ZRANB3: variants seen among roughly 807,000 people sequenced by gnomAD.
ZRANB3 encodes DNA annealing helicase and endonuclease ZRANB3.
ZRANB3 carries 125 observed loss-of-function variants against 133.8 expected under a neutral mutation model. The observed-to-expected ratio is 0.93, with a 90% CI of 0.81 to 1.08. The LOEUF (loss-of-function observed/expected upper bound fraction) is 1.08. ZRANB3 is among the 50% of genes least tolerant of loss of function. ZRANB3 has a pLI of 0.00. For missense variants in ZRANB3, 1,229 were observed against 1,275.5 expected, an observed-to-expected ratio of 0.96 and a Z score of 0.56; for synonymous variants, 387 against 432.7, an observed-to-expected ratio of 0.89 and a Z score of 1.31.
At chr2:135,254,534 AC>A (rs1245487107) in intron 12 of ZRANB3, among the ~76,000 whole-genome samples, 1 of 152,086 alleles carries the variant, frequency 6.6e-6, no homozygotes, top group East Asian at 1.9e-4. Flanking sequence ...AATCACTTGA[AC>A]CTGGGAGGCG....
chr2:135,200,035 A>C lies in ZRANB3; in HGVS notation c.*307T>G, dbSNP rs1693555953. ...AATTGAGAGTACATTTTTTAAACAC[A>C]ATCTATGCACAATACAGTGATTAGG... On this transcript the variant is annotated 3_prime_UTR_variant, in exon 21 of 21. Coordinates refer to ENST00000264159, the MANE Select transcript of ZRANB3 (RefSeq NM_032143.4). The C allele has an allele frequency of 2.7e-6, 1 of 371,900 alleles. No individual in the cohort carries two copies. The highest frequency in any genetic ancestry group is 5.0e-6 in the Non-Finnish European group (1 of 198,932). The allele number at this position is 371,900 out of a possible 1,614,324, so 23.0% of individuals were successfully genotyped here. A position where few individuals can be genotyped will look rare whatever the true frequency, so the allele number is the denominator to read the frequency against.
chr2:135,217,861 G>A (rs1039847537), intron 16 of ZRANB3, among the ~76,000 whole-genome samples: 1 of 152,084 alleles, frequency 6.6e-6, no homozygotes, highest in Non-Finnish European at 1.5e-5. Context: ...CCAGGCTGGA[G>A]TGCAGTGGCA....
chr2:135,372,159 C>T (rs1000165202), intron 3 of ZRANB3, among the ~76,000 whole-genome samples: 2 of 140,130 alleles, frequency 1.4e-5, no homozygotes, highest in Admixed American at 7.6e-5. Context: ...GAGCAAGACT[C>T]TGTCTCAAAA....
At chr2:135,506,025 A>G (rs1168990345) in intron 1 of ZRANB3, among the ~76,000 whole-genome samples, 2 of 152,186 alleles carry the variant, frequency 1.3e-5, no homozygotes, top group Admixed American at 6.5e-5. Context: ...AGAGAAGAGC[A>G]GTCCGAGGAA....
intron 1 of ZRANB3, among the ~76,000 whole-genome samples, chr2:135,505,017 T>C (rs759033665): frequency 6.6e-6 from 1 of 152,054 alleles, no homozygotes; most frequent in African/African-American, 2.4e-5. Flanking sequence ...TATTATTAAA[T>C]TGTTTAAATA....
chr2:135,309,293 T>C (rs115855940), intron 8 of ZRANB3, among the ~76,000 whole-genome samples: 1,570 of 152,262 alleles, frequency 0.01, 25 homozygotes, highest in African/African-American at 0.036. Flanking sequence ...AATAACATCA[T>C]ATTTAATGGT....
At chr2:135,430,184 A>G (rs569630567) in intron 2 of ZRANB3, among the ~76,000 whole-genome samples, 60 of 152,236 alleles carry the variant, frequency 3.9e-4, no homozygotes, top group African/African-American at 1.3e-3. Flanking sequence ...TCAAAAAAAA[A>G]CAAAAACAAA....
intron 12 of ZRANB3, among the ~76,000 whole-genome samples, chr2:135,231,704 C>G (rs1695024189): frequency 6.6e-6 from 1 of 152,130 alleles, no homozygotes; most frequent in Non-Finnish European, 1.5e-5. Context: ...GGGAAGACTG[C>G]TGGAGCCTCG....
At chr2:135,248,705 A>G (rs528706845) in intron 12 of ZRANB3, among the ~76,000 whole-genome samples, 1 of 152,294 alleles carries the variant, frequency 6.6e-6, no homozygotes, top group South Asian at 2.1e-4. Flanking sequence ...CAGTAGTTTG[A>G]GACTAGCCTG....
chr2:135,527,209 T>C (rs78008541), intron 1 of ZRANB3, among the ~76,000 whole-genome samples: 16,878 of 152,206 alleles, frequency 0.11, 1,207 homozygotes, highest in South Asian at 0.32. Flanking sequence ...TCGACAATCA[T>C]CTGGCACCCA....
chr2:135,230,898 T>C lies in ZRANB3; in HGVS notation c.1569A>G (p.Arg523=), dbSNP rs1202582946. The change falls in exon 13 of 21, where the codon CGA becomes CGG. Residue 523 remains arginine (R), a synonymous_variant. Coordinates refer to ENST00000264159, the MANE Select transcript of ZRANB3 (RefSeq NM_032143.4). ...HFEKEKQHDI[R]SFFVPQPKKR... ...TTTTAGGTTGTGGTACAAAAAATGATCGAATATCATGCTGTTTTTCTTTTT... is the reference window on the plus strand; with the variant it reads ...TTTTAGGTTGTGGTACAAAAAATGACCGAATATCATGCTGTTTTTCTTTTT... 1 of 1,574,832 alleles carries C rather than the reference T, an allele frequency of 6.3e-7. No individual in the cohort carries two copies. The highest frequency in any genetic ancestry group is 8.6e-7 in the Non-Finnish European group (1 of 1,162,542).
chr2:135,232,346 T>C (rs1695067083), intron 12 of ZRANB3, among the ~76,000 whole-genome samples: 1 of 152,334 alleles, frequency 6.6e-6, no homozygotes, highest in East Asian at 1.9e-4. Context: ...CCTGCCTCTG[T>C]AGACTCCATC....
At chr2:135,251,729 T>G (rs1015221448) in intron 12 of ZRANB3, among the ~76,000 whole-genome samples, 2 of 152,214 alleles carry the variant, frequency 1.3e-5, no homozygotes, top group East Asian at 3.9e-4. Context: ...CATGTGGAAC[T>G]GTGATTCCAA....
In ZRANB3 at chr2:135,377,588, A is replaced by G. The variant is rs149936474; in HGVS notation, c.180+13214T>C. Reference sequence around the variant, plus strand: ...ACACAGGAGTGGGTTCCCAATTGCCAAAGCTGAAACAATTTGAGCAACAAG... The same window carrying G: ...ACACAGGAGTGGGTTCCCAATTGCCGAAGCTGAAACAATTTGAGCAACAAG... On this transcript the variant is annotated intron_variant, in intron 3 of 20. Coordinates refer to ENST00000264159, the MANE Select transcript of ZRANB3 (RefSeq NM_032143.4). Among the ~76,000 whole-genome samples, 450 of 152,344 alleles carry G rather than the reference A, an allele frequency of 3.0e-3. 3 individuals carry two copies. The highest frequency in any genetic ancestry group is 0.01 in the African/African-American group (419 of 41,576).
chr2:135,295,452 A>G (rs530496773), intron 8 of ZRANB3, among the ~76,000 whole-genome samples: 88 of 151,828 alleles, frequency 5.8e-4, no homozygotes, highest in Admixed American at 1.2e-3. Flanking sequence ...CCATCCTTTT[A>G]TTTTGAGCCT....
intron 2 of ZRANB3, among the ~76,000 whole-genome samples, chr2:135,481,508 T>G (rs921325187): frequency 4.1e-4 from 63 of 152,294 alleles, no homozygotes; most frequent in South Asian, 2.7e-3. Flanking sequence ...GTAGATTCTG[T>G]ATATTAGCCC....
chr2:135,229,524 C>T (rs1048423606), intron 13 of ZRANB3, among the ~76,000 whole-genome samples: 5 of 151,808 alleles, frequency 3.3e-5, no homozygotes, highest in Admixed American at 2.0e-4. Flanking sequence ...CCCGCTACCA[C>T]GCCCGGCTAA....
At chr2:135,299,006 G>A (rs947035241) in intron 8 of ZRANB3, among the ~76,000 whole-genome samples, 1 of 152,154 alleles carries the variant, frequency 6.6e-6, no homozygotes, top group African/African-American at 2.4e-5. Flanking sequence ...GGGCATACAA[G>A]CTTGTCTAAA....
At chr2:135,460,918 T>C (rs1453333834) in intron 2 of ZRANB3, among the ~76,000 whole-genome samples, 1 of 152,192 alleles carries the variant, frequency 6.6e-6, no homozygotes, top group Non-Finnish European at 1.5e-5. Flanking sequence ...GACCAATTTT[T>C]AATTAATTTA....
Sources: allele counts gnomAD v4.1 joint callset (sites outside exome capture counted in the v4.1 genomes callset), GRCh38; gene constraint gnomAD v4.1.1; transcripts MANE v1.5; gene names NCBI Gene and HGNC (gene_info 2026-07-23, HGNC 2026-07-21).